Variants in NCOR2 observed in about 807,000 individuals in gnomAD.
The protein encoded by NCOR2 is CTG repeat protein 26.
A neutral mutation model predicts 262.9 loss-of-function variants in NCOR2; 81 were observed. That is an observed-to-expected ratio of 0.31 (90% CI 0.26 to 0.37). The LOEUF is 0.37. Among genes scored for constraint, NCOR2 ranks in the 10% least tolerant of loss-of-function variants. NCOR2 has a pLI of 1.00. For synonymous variants in NCOR2, 1,659 were observed against 1,559.3 expected (o/e 1.06, Z -1.51); for missense variants, 3,385 against 3,621.4 (o/e 0.93, Z 1.68).
chr12:124,412,781 G>T (rs549436037), intron 13 of NCOR2, among the ~76,000 whole-genome samples: 3 of 152,368 alleles, frequency 2.0e-5, no homozygotes, highest in African/African-American at 7.2e-5. Context: ...CAGAGTCTTG[G>T]ATCTCGGCCT....
chr12:124,470,891 A>G (rs1294702601), intron 4 of NCOR2, among the ~76,000 whole-genome samples: 1 of 152,274 alleles, frequency 6.6e-6, no homozygotes, highest in Non-Finnish European at 1.5e-5. Context: ...GGCTGCCTTG[A>G]GCCACCTGGC....
intron 11 of NCOR2, among the ~76,000 whole-genome samples, 183 bp downstream of exon 13, chr12:124,426,439 G>A (rs994972206): frequency 6.6e-6 from 1 of 152,204 alleles, no homozygotes; most frequent in East Asian, 1.9e-4. Context: ...CCCCCAGAAA[G>A]AACCAACCCC....
At chr12:124,533,736 A>C (rs1211571582) in intron 1 of NCOR2, among the ~76,000 whole-genome samples, 1 of 152,136 alleles carries the variant, frequency 6.6e-6, no homozygotes, top group Admixed American at 6.5e-5. Flanking sequence ...CGTTCTGAGA[A>C]ACGCACGGGA....
At chr12:124,557,952 C>T (rs1003469764) in intron 1 of NCOR2, among the ~76,000 whole-genome samples, 1 of 152,126 alleles carries the variant, frequency 6.6e-6, no homozygotes, top group Non-Finnish European at 1.5e-5. Context: ...TGCTGACAGG[C>T]CTGGCCCAGC....
intron 1 of NCOR2, among the ~76,000 whole-genome samples, chr12:124,559,038 G>T (rs1453118270): frequency 6.6e-6 from 1 of 152,170 alleles, no homozygotes; most frequent in African/African-American, 2.4e-5. Context: ...CCGGACCCCA[G>T]AAAAGACTGA....
chr12:124,453,459 G>C (rs1362115522), intron 6 of NCOR2, among the ~76,000 whole-genome samples: 1 of 152,168 alleles, frequency 6.6e-6, no homozygotes, highest in Non-Finnish European at 1.5e-5. Flanking sequence ...CAGAGGCACA[G>C]CCACTCAGAG....
intron 14 of NCOR2, 41 bp downstream of exon 16, chr12:124,402,363 G>C: frequency 6.2e-7 from 1 of 1,609,932 alleles, no homozygotes; most frequent in East Asian, 2.2e-5. Context: ...CCCGGGTTGG[G>C]TCAGCGGCCG....
chr12:124,503,605 C>T lies in NCOR2; in HGVS notation c.-117-8237G>A, dbSNP rs564931569. On this transcript the variant is annotated intron_variant, in intron 1 of 46. Coordinates refer to the NCOR2 transcript ENST00000404621. The surrounding 1 kb of genome is among the most constrained non-coding windows in gnomAD (Gnocchi z 4.3). Reference sequence around the variant, plus strand: ...ACGGATGGACGGATGGATGGATGGACGGACGGACGGATGGATGGATGGATG... The same window carrying T: ...ACGGATGGACGGATGGATGGATGGATGGACGGACGGATGGATGGATGGATG... Among the ~76,000 whole-genome samples, 21 of 130,480 alleles carry T rather than the reference C, an allele frequency of 1.6e-4. No individual in the cohort carries two copies. The highest frequency in any genetic ancestry group is 5.8e-4 in the African/African-American group (18 of 31,022). 85.6% of individuals were successfully genotyped at this position (130,480 alleles called of 152,430 possible).
chr12:124,542,800 G>A (rs1270045150), intron 1 of NCOR2: 1 of 152,266 alleles, frequency 6.6e-6, no homozygotes, highest in Non-Finnish European at 1.5e-5. Flanking sequence ...AGCCTCCCCT[G>A]TCTCCTGCAG....
exon 31 of NCOR2, chr12:124,346,840 C>T (rs767935267): frequency 1.4e-5 from 22 of 1,574,758 alleles, no homozygotes; most frequent in Admixed American, 1.8e-5. Context: ...CCACGTAGGA[C>T]CGAGGGATCC....
intron 7 of NCOR2, among the ~76,000 whole-genome samples, chr12:124,446,486 A>AT (rs1270960581): frequency 6.6e-6 from 1 of 151,882 alleles, no homozygotes; most frequent in East Asian, 1.9e-4. Context: ...TCCTTGGGCC[A>AT]TGCCAGCCTT....
intron 31 of NCOR2, 117 bp downstream of exon 33, chr12:124,346,446 TA>T: frequency 8.8e-7 from 1 of 1,132,876 alleles, no homozygotes; most frequent in Non-Finnish European, 1.2e-6. Flanking sequence ...TGGGTGACTG[TA>T]AGGTACGCGA....
intron 22 of NCOR2, among the ~76,000 whole-genome samples, chr12:124,361,475 C>T (rs376593926): frequency 1.3e-5 from 2 of 152,384 alleles, no homozygotes; most frequent in African/African-American, 4.8e-5. Context: ...CAAGCAATCA[C>T]GCCCGCCTGT....
intron 13 of NCOR2, among the ~76,000 whole-genome samples, chr12:124,409,464 G>A (rs1018743673): frequency 6.6e-6 from 1 of 152,236 alleles, no homozygotes; most frequent in African/African-American, 2.4e-5. Flanking sequence ...CTTGCGGCCA[G>A]CTCCCTATAA....
chr12:124,422,611 G>A (rs2043277447), intron 11 of NCOR2, 56 bp from the exon 14 acceptor site: 6 of 1,599,354 alleles, frequency 3.8e-6, no homozygotes, highest in Admixed American at 1.7e-5. Context: ...TTCCTGCGGG[G>A]CAGCCGATCG....
chr12:124,335,734 A>G, intron 38 of NCOR2, 102 bp from the exon 41 acceptor site: 1 of 1,342,972 alleles, frequency 7.4e-7, no homozygotes, highest in East Asian at 2.4e-5. Flanking sequence ...GGGGGGGTCA[A>G]GGGGAACCCA....
At chr12:124,529,024 A>G (rs763626871) in intron 1 of NCOR2, among the ~76,000 whole-genome samples, 3 of 152,096 alleles carry the variant, frequency 2.0e-5, no homozygotes, top group Non-Finnish European at 2.9e-5. Flanking sequence ...TACTAAAAAT[A>G]CAAAATTAGC....
chr12:124,343,256 C>T (rs931088856), intron 32 of NCOR2, 30 bp from the exon 35 acceptor site: 12 of 1,589,476 alleles, frequency 7.5e-6, no homozygotes, highest in Non-Finnish European at 1.0e-5. Flanking sequence ...ATGCATCGGG[C>T]CTCTGGGGCT....
chr12:124,347,126 TG>T (rs1369277032), intron 30 of NCOR2, among the ~76,000 whole-genome samples: 2 of 152,120 alleles, frequency 1.3e-5, no homozygotes, highest in Non-Finnish European at 1.5e-5. Context: ...CCCAACACTC[TG>T]GGGGGCTGCG....
Sources: allele counts gnomAD v4.1 joint callset (sites outside exome capture counted in the v4.1 genomes callset), GRCh38; gene constraint gnomAD v4.1.1; non-coding constraint Gnocchi (gnomAD v3.1); transcripts MANE v1.5; gene names NCBI Gene and HGNC (gene_info 2026-07-23, HGNC 2026-07-21).